Variants in SLIT3 observed in about 807,000 individuals in gnomAD.
SLIT3 encodes the protein slit guidance ligand 3.
In SLIT3, 68 loss-of-function variants were observed where a neutral mutation model predicts 184.0. The ratio of observed to expected loss-of-function variants is 0.37; its 90% CI spans 0.30 to 0.45. SLIT3 has a LOEUF of 0.45. Among genes scored for constraint, SLIT3 ranks in the 20% least tolerant of loss-of-function variants. The pLI is 1.00. For missense variants in SLIT3, 1,707 were observed against 2,026.0 expected (o/e 0.84, Z 3.02); for synonymous variants, 831 against 828.6 (o/e 1.00, Z -0.05).
At chr5:168,872,842 G>A (rs974187824) in intron 5 of SLIT3, among the ~76,000 whole-genome samples, 5 of 151,854 alleles carry the variant, frequency 3.3e-5, no homozygotes, top group Non-Finnish European at 7.4e-5. Flanking sequence ...GGGTTTCACC[G>A]TGTTAGCCAG....
chr5:168,971,141 T>C (rs1754562396), intron 4 of SLIT3, among the ~76,000 whole-genome samples: 1 of 152,224 alleles, frequency 6.6e-6, no homozygotes, highest in Non-Finnish European at 1.5e-5. Context: ...CTAAATGAGA[T>C]GTATGCAAGG....
intron 4 of SLIT3, among the ~76,000 whole-genome samples, chr5:169,056,166 A>T (rs1757996487): frequency 6.6e-6 from 1 of 152,094 alleles, no homozygotes; most frequent in Admixed American, 6.5e-5. Flanking sequence ...TCTCAGGTAA[A>T]AGCATTATGC....
chr5:169,070,816 GAAACAAAAAACAA>G (rs1312344883), intron 4 of SLIT3, among the ~76,000 whole-genome samples: 3 of 125,818 alleles, frequency 2.4e-5, no homozygotes, highest in African/African-American at 6.0e-5. Flanking sequence ...AAAAAAAAAA[GAAACAAAAAACAA>G]AAACAAAAAA....
intron 29 of SLIT3, among the ~76,000 whole-genome samples, chr5:168,692,253 C>T (rs557980473): frequency 1.3e-5 from 2 of 152,334 alleles, no homozygotes; most frequent in South Asian, 4.1e-4. Flanking sequence ...AATTGCTCTA[C>T]TTCTTTAGCT....
intron 4 of SLIT3, among the ~76,000 whole-genome samples, chr5:168,965,025 A>T (rs1257574144): frequency 1.3e-5 from 2 of 152,172 alleles, no homozygotes; most frequent in African/African-American, 4.8e-5. Context: ...AAGCACTCAC[A>T]TCCCTGAAAG....
chr5:169,228,651 A>G (rs1419286862), intron 3 of SLIT3, among the ~76,000 whole-genome samples: 2 of 152,232 alleles, frequency 1.3e-5, no homozygotes, highest in Admixed American at 6.5e-5. Context: ...AAAACGAAAT[A>G]GAACATTCAG....
At chr5:168,961,638 C>T (rs1763011133) in intron 4 of SLIT3, among the ~76,000 whole-genome samples, 2 of 152,162 alleles carry the variant, frequency 1.3e-5, no homozygotes, top group Non-Finnish European at 2.9e-5. Flanking sequence ...ACAGAACCTT[C>T]TGTGCAGAGA....
intron 4 of SLIT3, among the ~76,000 whole-genome samples, chr5:168,914,238 G>A (rs571863259): frequency 1.3e-5 from 2 of 152,174 alleles, no homozygotes; most frequent in South Asian, 4.1e-4. Flanking sequence ...TAAATATATT[G>A]CCCAAGGGGG....
intron 4 of SLIT3, among the ~76,000 whole-genome samples, chr5:169,076,433 C>T (rs551534588): frequency 2.0e-5 from 3 of 152,206 alleles, no homozygotes; most frequent in Non-Finnish European, 4.4e-5. Context: ...GCTTCCCTCT[C>T]CATCTCCCTG....
At chr5:169,181,662 A>T (rs923692563) in intron 4 of SLIT3, among the ~76,000 whole-genome samples, 1 of 151,380 alleles carries the variant, frequency 6.6e-6, no homozygotes, top group African/African-American at 2.4e-5. Flanking sequence ...AATCGCATGA[A>T]CCTGGGAGGT....
chr5:168,784,107 C>T (rs931283024), intron 12 of SLIT3, among the ~76,000 whole-genome samples: 1 of 152,216 alleles, frequency 6.6e-6, no homozygotes, highest in Non-Finnish European at 1.5e-5. Flanking sequence ...CACACACACA[C>T]ACACAGATTA....
chr5:169,120,313 A>AG (rs1488725424), intron 4 of SLIT3: 1 of 152,102 alleles, frequency 6.6e-6, no homozygotes, highest in Non-Finnish European at 1.5e-5. Context: ...ATCCTGTAGG[A>AG]GGGATGTGAT....
chr5:169,161,839 C>T (rs979848591), intron 4 of SLIT3, among the ~76,000 whole-genome samples: 1 of 152,112 alleles, frequency 6.6e-6, no homozygotes, highest in Non-Finnish European at 1.5e-5. Flanking sequence ...CAGCTCTGCA[C>T]ACTTACTAGC....
chr5:168,729,766 C>A, intron 20 of SLIT3, among the ~76,000 whole-genome samples: 1 of 151,984 alleles, frequency 6.6e-6, no homozygotes, highest in Admixed American at 6.6e-5. Context: ...AATGGCAACA[C>A]CACAGAATTT....
At chr5:169,115,366 C>G (rs1462380130) in intron 4 of SLIT3, among the ~76,000 whole-genome samples, 1 of 152,200 alleles carries the variant, frequency 6.6e-6, no homozygotes, top group Admixed American at 6.5e-5. Context: ...ACCATTTACT[C>G]ACAGCAATTA....
intron 20 of SLIT3, among the ~76,000 whole-genome samples, chr5:168,734,143 T>G (rs1370289109): frequency 6.6e-6 from 1 of 152,196 alleles, no homozygotes; most frequent in Non-Finnish European, 1.5e-5. Context: ...AATATATGCA[T>G]GTAAGAAACC....
At chr5:168,935,446 C>A (rs1003274579) in intron 4 of SLIT3, among the ~76,000 whole-genome samples, 3 of 152,202 alleles carry the variant, frequency 2.0e-5, no homozygotes, top group Non-Finnish European at 4.4e-5. Context: ...CTTATCTCTA[C>A]AACCAGAGAG....
chr5:169,229,287 A>T (rs1764912958), intron 3 of SLIT3, among the ~76,000 whole-genome samples: 1 of 152,156 alleles, frequency 6.6e-6, no homozygotes, highest in African/African-American at 2.4e-5. Flanking sequence ...AGTTTTTTTG[A>T]TCTTCAAGAC....
chr5:168,812,261 A>G (rs1757183326), intron 8 of SLIT3, among the ~76,000 whole-genome samples: 1 of 152,202 alleles, frequency 6.6e-6, no homozygotes, highest in Admixed American at 6.5e-5. Flanking sequence ...TTATGGTTAG[A>G]GAGGAGTGAG....
Sources: gnomAD v4.1 joint callset for allele counts (sites outside exome capture counted in the v4.1 genomes callset) on GRCh38, gnomAD v4.1.1 for gene constraint, MANE v1.5 for transcripts, NCBI Gene and HGNC (gene_info 2026-07-23, HGNC 2026-07-21) for gene names.